Variants in MTIF2 observed in about 807,000 individuals in gnomAD.
MTIF2 encodes the protein translation initiation factor IF-2, mitochondrial.
Under a neutral mutation model 83.5 loss-of-function variants are expected in MTIF2, and 71 were observed. The ratio of observed to expected loss-of-function variants is 0.85; its 90% CI spans 0.70 to 1.04. MTIF2 has a LOEUF of 1.04. Among genes scored for constraint, MTIF2 ranks in the 50% least tolerant of loss-of-function variants. MTIF2 has a pLI of 0.00. For synonymous variants in MTIF2, 319 were observed against 287.1 expected (o/e 1.11, Z -1.12); for missense variants, 957 against 846.5 (o/e 1.13, Z -1.62).
At chr2:55,254,498 G>A (rs189914530) in intron 6 of MTIF2, among the ~76,000 whole-genome samples, 156 bp downstream of exon 6, 148 of 152,278 alleles carry the variant, frequency 9.7e-4, no homozygotes, top group African/African-American at 3.2e-3. Flanking sequence ...TAACTTGAAT[G>A]TATAATACAC....
intron 9 of MTIF2, 133 bp downstream of exon 9, chr2:55,249,262 G>A: frequency 1.8e-6 from 2 of 1,134,466 alleles, no homozygotes; most frequent in South Asian, 1.7e-5. Context: ...TACCATCTTT[G>A]CCTGGCACCA....
intron 13 of MTIF2, among the ~76,000 whole-genome samples, chr2:55,242,056 G>A (rs956390299): frequency 4.0e-5 from 6 of 151,216 alleles, no homozygotes; most frequent in African/African-American, 1.5e-4. Flanking sequence ...GCTGTGGCAG[G>A]AGAATCCCTT....
intron 11 of MTIF2, 44 bp downstream of exon 11, chr2:55,243,985 A>G (rs1676512187): frequency 6.9e-7 from 1 of 1,440,248 alleles, no homozygotes; most frequent in Admixed American, 2.1e-5. Context: ...GGCATTTAAA[A>G]TCATTATATT....
intron 6 of MTIF2, 146 bp downstream of exon 6, chr2:55,254,508 C>G: frequency 1.4e-6 from 1 of 718,300 alleles, no homozygotes; most frequent in Non-Finnish European, 2.1e-6. Context: ...GTATAATACA[C>G]TTTCTAATGC....
At chr2:55,256,002 G>T (rs527924751) in intron 5 of MTIF2, among the ~76,000 whole-genome samples, 88 of 152,014 alleles carry the variant, frequency 5.8e-4, no homozygotes, top group African/African-American at 2.1e-3. Flanking sequence ...TCAGCCCCCT[G>T]AGTAGCTGGG....
chr2:55,253,915 C>G, intron 7 of MTIF2, 126 bp downstream of exon 7: 1 of 1,007,190 alleles, frequency 9.9e-7, no homozygotes, highest in South Asian at 1.8e-5. Context: ...TACATTTCAT[C>G]AAACTAATGA....
chr2:55,244,932 A>G (rs763209949), intron 10 of MTIF2, among the ~76,000 whole-genome samples: 5 of 152,126 alleles, frequency 3.3e-5, no homozygotes, highest in Non-Finnish European at 7.4e-5. Context: ...CTACAGTCCC[A>G]GCTACTCGGG....
intron 14 of MTIF2, among the ~76,000 whole-genome samples, chr2:55,238,618 C>T (rs1676071904): frequency 6.6e-6 from 1 of 151,964 alleles, no homozygotes; most frequent in South Asian, 2.1e-4. Flanking sequence ...CTTGAACTCC[C>T]ATCCTCAGGT....
At chr2:55,247,230 A>G (rs191551011) in intron 9 of MTIF2, among the ~76,000 whole-genome samples, 1 of 152,332 alleles carries the variant, frequency 6.6e-6, no homozygotes, top group East Asian at 1.9e-4. Context: ...CTTATCAGCT[A>G]AGAGATTGCT....
At chr2:55,249,013 C>A (rs992135452) in intron 9 of MTIF2, among the ~76,000 whole-genome samples, 14 of 152,112 alleles carry the variant, frequency 9.2e-5, no homozygotes, top group African/African-American at 2.4e-5. Context: ...GTGGCACCTG[C>A]CTGTAGCCCC....
Position 55,244,241 on chromosome 2 carries a change from G to A in MTIF2, c.1107-8C>T. ...ATAGCTGTAGTAACAAGACTAAAAT[G>A]AAAATAAAAGTATATTTTCAATGTC... On this transcript the variant is annotated splice_polypyrimidine_tract_variant and splice_region_variant and intron_variant, in intron 10 of 15. Transcript: ENST00000263629. 1 of 1,587,674 alleles carries A rather than the reference G, an allele frequency of 6.3e-7. No individual in the cohort carries two copies. The highest frequency in any genetic ancestry group is 8.6e-7 in the Non-Finnish European group (1 of 1,157,750).
Position 55,243,631 on chromosome 2 carries a change from T to A in MTIF2, c.1349A>T (p.Glu450Val). The change falls in exon 12 of 16, where the codon GAA becomes GTA. Residue 450 changes from glutamate to valine, a missense_variant. This residue lies in a region of MTIF2 where 733 missense variants were observed against 648.7 expected (regional missense o/e 1.13). Transcript: ENST00000263629. Reference sequence around the variant, plus strand: ...CTCCTGACCTTTCTCCTGTTCTTGTTCATATTTCCTCCAGTCAACAACTTC... The same window carrying A: ...CTCCTGACCTTTCTCCTGTTCTTGTACATATTTCCTCCAGTCAACAACTTC... ...AREVVDWRKY[E>V]QEQEKGQEDL... 3 of 1,613,930 alleles carry A rather than the reference T, an allele frequency of 1.9e-6. No homozygotes were observed. Among genetic ancestry groups the A allele is most frequent in the Non-Finnish European group, 2.5e-6 (3 of 1,179,976 alleles).
At chr2:55,244,001 T>C in intron 11 of MTIF2, 28 bp downstream of exon 11, 1 of 1,533,894 alleles carries the variant, frequency 6.5e-7, no homozygotes, top group Non-Finnish European at 8.9e-7. Flanking sequence ...ATATTATATC[T>C]AATATATAGG....
Position 55,240,106 on chromosome 2 carries a change from T to C in MTIF2, c.1775A>G (p.Lys592Arg), listed in dbSNP as rs1341486971. 3 of 1,613,894 alleles carry C rather than the reference T, an allele frequency of 1.9e-6. No homozygotes were observed. In the East Asian group the frequency reaches 6.7e-5, roughly 36 times the overall value. The change falls in exon 14 of 16, where the codon AAA becomes AGA. Residue 592 changes from lysine to arginine, a missense_variant. Around this residue, in one of 3 missense-constraint regions of MTIF2, gnomAD observed 221 missense variants for 180.6 expected, o/e 1.22. Transcript: ENST00000263629. ...IQQSAAKKGV[K>R]IKLHKIIYRL... ...GTAAATTATTTTGTGAAGTTTAATTTTTACTCCTTTTTTTGCAGCTGACTG... is the reference window on the plus strand; with the variant it reads ...GTAAATTATTTTGTGAAGTTTAATTCTTACTCCTTTTTTTGCAGCTGACTG...
intron 14 of MTIF2, among the ~76,000 whole-genome samples, chr2:55,237,661 T>TC (rs1675978396): frequency 6.9e-6 from 1 of 143,962 alleles, no homozygotes; most frequent in Non-Finnish European, 1.5e-5. Context: ...TTTTTTTTTT[T>TC]TTTTTTTGAG....
intron 14 of MTIF2, among the ~76,000 whole-genome samples, chr2:55,239,706 T>C (rs1676156230): frequency 6.6e-6 from 1 of 152,224 alleles, no homozygotes; most frequent in Admixed American, 6.5e-5. Flanking sequence ...CATGACACTG[T>C]TAATAATCTT....
chr2:55,243,037 A>G lies in MTIF2; in HGVS notation c.1608T>C (p.Asp536=). The G allele has an allele frequency of 6.2e-7, 1 of 1,612,656 alleles. No individual in the cohort carries two copies. The highest frequency in any genetic ancestry group is 8.5e-7 in the Non-Finnish European group (1 of 1,179,562). Residue 536 remains aspartate, a synonymous_variant, in exon 13 of 16, where the codon GAT becomes GAC. Coordinates refer to ENST00000263629, the MANE Select transcript of MTIF2 (RefSeq NM_002453.3). ...CACACTCGTGTGAAGCATCATAGGT[A>G]TCTATAATGTTCAAAATGGCCTCAA... ...GSVEAILNII[D]TYDASHECEL...
Position 55,254,842 on chromosome 2 carries a change from A to G in MTIF2, c.332-17T>C, listed in dbSNP as rs751614004. On this transcript the variant is annotated splice_polypyrimidine_tract_variant and intron_variant, in intron 5 of 15. Coordinates refer to ENST00000263629, the MANE Select transcript of MTIF2 (RefSeq NM_002453.3). ...ATACATAATCTGATTGGAATAAAAT[A>G]AAACCTTTTAGGATCATTAATTAAA... is the stretch of plus-strand genomic sequence containing the variant. 5.4e-6 allele frequency: 8 copies of G among 1,491,016 alleles called. No homozygotes were observed. Among genetic ancestry groups the G allele is most frequent in the Middle Eastern group, 3.6e-4 (2 of 5,548 alleles). 92.4% of individuals were successfully genotyped at this position (1,491,016 alleles called of 1,614,324 possible). A position where few individuals can be genotyped will look rare whatever the true frequency, so the allele number is the denominator to read the frequency against.
Position 55,236,779 on chromosome 2 carries a change from T to C in MTIF2, c.2053A>G (p.Ile685Val), listed in dbSNP as rs35589399. ...SLKHHKDDIS[I>V]VKTGMDCGLS... ...CCACAATCCATTCCCGTTTTGACAATTGAAATGTCATCTTTATGGTGTTTC... is the reference window on the plus strand; with the variant it reads ...CCACAATCCATTCCCGTTTTGACAACTGAAATGTCATCTTTATGGTGTTTC... The change falls in exon 16 of 16, where the codon ATT (isoleucine) becomes GTT (valine). Residue 685 changes from isoleucine (I) to valine (V), a missense_variant. Ile to Val is a conservative substitution (Grantham distance 29). This residue lies in a region of MTIF2 where 221 missense variants were observed against 180.6 expected (regional missense o/e 1.22). Transcript: ENST00000263629. 142 of 1,609,308 alleles carry C rather than the reference T, an allele frequency of 8.8e-5. No homozygotes were observed. In the African/African-American group the frequency reaches 1.5e-3, roughly 17 times the overall value.
Sources: allele counts gnomAD v4.1 joint callset (sites outside exome capture counted in the v4.1 genomes callset), GRCh38; gene constraint gnomAD v4.1.1; regional missense constraint gnomAD v4.1.1; transcripts MANE v1.5; gene names NCBI Gene and HGNC (gene_info 2026-07-23, HGNC 2026-07-21).